The following FBXL18 variants were observed in gnomAD, a reference collection of about 807,000 sequenced individuals.
FBXL18 encodes F-box/LRR-repeat protein 18.
In FBXL18, 36 loss-of-function variants were observed where a neutral mutation model predicts 46.0. The observed-to-expected ratio is 0.78, with a 90% CI of 0.60 to 1.03. The LOEUF (loss-of-function observed/expected upper bound fraction) is 1.03. Among genes scored for constraint, FBXL18 ranks in the 50% least tolerant of loss-of-function variants. The probability of loss-of-function intolerance (pLI) is 0.00; values close to 1 mark genes in which losing one functional copy is unlikely to be tolerated. For missense variants in FBXL18, 977 were observed against 1,004.1 expected (o/e 0.97, Z 0.36); for synonymous variants, 557 against 465.3 (o/e 1.20, Z -2.54).
rs561372791 is a variant in FBXL18 at position 5,486,759 on chromosome 7, C to G, written c.2000+4472G>C. Among the ~76,000 whole-genome samples, 11 of 152,302 alleles carry G rather than the reference C, an allele frequency of 7.2e-5. No individual in the cohort carries two copies. In the East Asian group the frequency reaches 2.1e-3, roughly 29 times the overall value. On this transcript the variant is annotated intron_variant, in intron 4 of 4. Transcript: ENST00000382368. ...GGGTGATGGCCATCAAAAAAGGCAG[C>G]GCGGTCACCAGCAACAGGTCACCGG...
chr7:5,484,631 A>C (rs1308468943), intron 4 of FBXL18, among the ~76,000 whole-genome samples: 1 of 141,832 alleles, frequency 7.1e-6, no homozygotes, highest in Non-Finnish European at 1.5e-5. Context: ...CACCACACTG[A>C]CCAGCTAATT....
Position 5,501,715 on chromosome 7 carries a change from T to G in FBXL18, c.554A>C (p.Tyr185Ser). 6.3e-7 allele frequency: 1 copy of G among 1,585,294 alleles called. No individual in the cohort carries two copies. The highest frequency in any genetic ancestry group is 8.6e-7 in the Non-Finnish European group (1 of 1,165,452). The change falls in exon 3 of 5, where the codon TAC becomes TCC. Residue 185 changes from tyrosine (Y) to serine (S), a missense_variant. Coordinates refer to ENST00000382368, the MANE Select transcript of FBXL18 (RefSeq NM_024963.6). The stretch of plus-strand genomic sequence containing the variant: ...GCTGGTGCAGCAGGGCACCACGCCG[T>G]AGGAGGGAGTGAACAGCGTCTGCTT... ...ELKQTLFTPS[Y>S]GVVPCCTSLE...
chr7:5,487,781 C>T (rs534257666), intron 4 of FBXL18, among the ~76,000 whole-genome samples: 2 of 152,336 alleles, frequency 1.3e-5, no homozygotes, highest in Admixed American at 1.3e-4. Flanking sequence ...CGCCTCAACA[C>T]CCGCATCCCA....
chr7:5,510,872 T>C (rs1784514820), intron 1 of FBXL18, among the ~76,000 whole-genome samples: 1 of 152,110 alleles, frequency 6.6e-6, no homozygotes, highest in East Asian at 1.9e-4. Flanking sequence ...ATTCCAATTC[T>C]GGTGTGAGTG....
chr7:5,470,359 C>G (rs1011010601), intron 4 of FBXL18, among the ~76,000 whole-genome samples: 1 of 152,150 alleles, frequency 6.6e-6, no homozygotes, highest in Non-Finnish European at 1.5e-5. Context: ...CTCCACCCTG[C>G]CCCCAAGGCG....
At chr7:5,506,015 C>A (rs1784386132) in intron 1 of FBXL18, among the ~76,000 whole-genome samples, 1 of 152,032 alleles carries the variant, frequency 6.6e-6, no homozygotes, top group Admixed American at 6.6e-5. Flanking sequence ...CAGACGCATG[C>A]CACTTTGTCC....
intron 3 of FBXL18, among the ~76,000 whole-genome samples, chr7:5,494,805 G>A (rs954967571): frequency 6.6e-6 from 1 of 152,222 alleles, no homozygotes; most frequent in African/African-American, 2.4e-5. Context: ...GTGGCGATGC[G>A]GCTCCGTGCT....
At chr7:5,460,490 G>C (rs1311526698) in intron 4 of FBXL18, among the ~76,000 whole-genome samples, 1 of 152,126 alleles carries the variant, frequency 6.6e-6, no homozygotes, top group East Asian at 1.9e-4. Flanking sequence ...TTCTCGCTCT[G>C]TCACCCAGGC....
At chr7:5,474,411 C>A (rs560180265), downstream of FBXL18, among the ~76,000 whole-genome samples, 1 of 150,814 alleles carries the variant, frequency 6.6e-6, no homozygotes, top group Admixed American at 6.6e-5. Flanking sequence ...CAGGCTCAAG[C>A]GATCCTTCTG....
rs60098250 is a variant in FBXL18, at chr7:5,511,438, A to AT, written c.18+2218dup. On this transcript the variant is annotated intron_variant, in intron 1 of 4. Transcript: ENST00000382368. ...TACTAAAAATACAAAAAAAAAATGT[A>AT]TTTTTTTTACAAAAATACAAATGCG... is the stretch of plus-strand genomic sequence containing the variant. 2.9e-3 allele frequency among the ~76,000 whole-genome samples: 446 copies of AT among 151,784 alleles called. 8 individuals are homozygous for AT. The highest frequency in any genetic ancestry group is 0.01 in the African/African-American group (421 of 41,340).
Position 5,498,199 on chromosome 7 carries a change from T to G in FBXL18, c.1781+2289A>C, listed in dbSNP as rs1562698097. On this transcript the variant is annotated intron_variant, in intron 3 of 4. Coordinates refer to ENST00000382368, the MANE Select transcript of FBXL18 (RefSeq NM_024963.6). ...GCCTCCCGGGTTCATGCCATTCTCC[T>G]GCCTCAGCCTCCTAAGCAGCTGGGA... Among the ~76,000 whole-genome samples the G allele has an allele frequency of 3.3e-5, 5 of 151,488 alleles. No homozygotes were observed. The South Asian group carries it at 1.0e-3, about 32-fold the overall frequency.
downstream of FBXL18, among the ~76,000 whole-genome samples, chr7:5,473,716 G>A (rs1418426078): frequency 6.7e-6 from 1 of 148,916 alleles, no homozygotes; most frequent in Non-Finnish European, 1.5e-5. Context: ...AGCCGAGATT[G>A]TGCCACTGCA....
chr7:5,491,089 C>G (rs1010716827), intron 4 of FBXL18, 142 bp downstream of exon 4: 1 of 754,062 alleles, frequency 1.3e-6, no homozygotes, highest in African/African-American at 1.8e-5. Context: ...AGACCAAACC[C>G]CTTGCTTTCA....
intron 4 of FBXL18, among the ~76,000 whole-genome samples, chr7:5,463,725 T>TATA (rs1562672270): frequency 6.5e-4 from 38 of 58,674 alleles, no homozygotes; most frequent in Admixed American, 1.1e-3. Flanking sequence ...TATTTATTTA[T>TATA]TTATTTTTTT....
intron 4 of FBXL18, among the ~76,000 whole-genome samples, chr7:5,463,763 C>G (rs1289428403): frequency 2.3e-5 from 2 of 85,566 alleles, no homozygotes; most frequent in Non-Finnish European, 4.5e-5. Context: ...TTTTTTGAGA[C>G]GGAGTCTCGC....
rs566417536 is a variant in FBXL18, at chr7:5,506,591, CTG to C, written c.19-963_19-962del. On this transcript the variant is annotated intron_variant, in intron 1 of 4. Transcript: ENST00000382368. ...TTTCTTTTGGAGAAAGAGTCTCACT[CTG>C]TGGCCCAGGCTGGAGTGCAATGGTG... Among the ~76,000 whole-genome samples the C allele has an allele frequency of 1.3e-4, 19 of 147,758 alleles. 1 individual carries two copies. The East Asian group carries it at 3.8e-3, about 29-fold the overall frequency.
At chr7:5,512,059 C>A (rs571148750) in intron 1 of FBXL18, among the ~76,000 whole-genome samples, 2 of 143,518 alleles carry the variant, frequency 1.4e-5, no homozygotes, top group Admixed American at 7.1e-5. Context: ...CACGGTGAAA[C>A]CCCGTCTCTA....
chr7:5,486,010 G>C (rs920368339), intron 4 of FBXL18, among the ~76,000 whole-genome samples: 29 of 151,878 alleles, frequency 1.9e-4, no homozygotes, highest in African/African-American at 6.8e-4. Context: ...AGTGAGCCGA[G>C]ATTGTGCCAC....
intron 4 of FBXL18, among the ~76,000 whole-genome samples, chr7:5,468,306 A>G (rs1324557247): frequency 1.3e-5 from 2 of 151,404 alleles, no homozygotes; most frequent in Admixed American, 1.3e-4. Context: ...TTTAGTAGAA[A>G]CGGGATTTCA....
Sources: allele counts gnomAD v4.1 joint callset (sites outside exome capture counted in the v4.1 genomes callset), GRCh38; gene constraint gnomAD v4.1.1; transcripts MANE v1.5; gene names NCBI Gene and HGNC (gene_info 2026-07-23, HGNC 2026-07-21).